CAV1: variants seen among roughly 807,000 people sequenced by gnomAD.
CAV1 encodes the protein caveolin-1.
A neutral mutation model predicts 16.5 loss-of-function variants in CAV1; 10 were observed. The observed-to-expected ratio is 0.61, with a 90% CI of 0.37 to 1.03. CAV1 has a LOEUF of 1.03. Among genes scored for constraint, CAV1 ranks in the 50% least tolerant of loss-of-function variants. CAV1 has a pLI of 0.01. For missense variants in CAV1, 212 were observed against 232.8 expected, an observed-to-expected ratio of 0.91 and a Z score of 0.58; for synonymous variants, 76 against 85.1, an observed-to-expected ratio of 0.89 and a Z score of 0.59.
rs1562837889 is a variant in CAV1 at position 116,555,478 on chromosome 7, G to GGAAGGAAGGAA, written c.196-3465_196-3464insGGAAGGAAGAA. On this transcript the variant is annotated intron_variant, in intron 2 of 2. Transcript: ENST00000341049. ...AAGGAAGGAAGGAAGGAAGGAAGGA[G>GGAAGGAAGGAA]GAAAGAAAAGAAAGAAAGAAAGAAA... Among the ~76,000 whole-genome samples the GGAAGGAAGGAA allele has an allele frequency of 1.2e-3, 9 of 7,256 alleles. 2 individuals are homozygous for GGAAGGAAGGAA. The highest frequency in any genetic ancestry group is 8.5e-3 in the South Asian group (1 of 118). The allele number at this position is 7,256 out of a possible 152,430, so 4.8% of individuals were successfully genotyped here.
At chr7:116,553,118 C>A (rs1794196912) in intron 2 of CAV1, among the ~76,000 whole-genome samples, 1 of 152,058 alleles carries the variant, frequency 6.6e-6, no homozygotes, top group Non-Finnish European at 1.5e-5. Flanking sequence ...TTAAGGTTTC[C>A]TTCTTGAAAA....
At position 116,555,542 on chromosome 7, in the gene CAV1, G is replaced by GAGAAAGAAAGAA. The variant is rs1225761657; in HGVS notation, c.196-3352_196-3341dup. Among the ~76,000 whole-genome samples the GAGAAAGAAAGAA allele has an allele frequency of 3.3e-3, 40 of 12,142 alleles. 5 individuals are homozygous for GAGAAAGAAAGAA. The highest frequency in any genetic ancestry group is 4.5e-3 in the Non-Finnish European group (26 of 5,762). 8.0% of individuals were successfully genotyped at this position (12,142 alleles called of 152,430 possible). On this transcript the variant is annotated intron_variant, in intron 2 of 2. Transcript: ENST00000341049. ...AAAGAGAGAGAGAGAGAGAGAGAGA[G>GAGAAAGAAAGAA]AGAAAGAAAGAAAGAAAGAAAGAAA...
chr7:116,533,694 T>G (rs943150179), intron 2 of CAV1, among the ~76,000 whole-genome samples: 8 of 152,206 alleles, frequency 5.3e-5, no homozygotes, highest in South Asian at 2.1e-4. Flanking sequence ...TGCAGATTCC[T>G]TCACAAACTT....
intron 2 of CAV1, among the ~76,000 whole-genome samples, chr7:116,555,510 A>G (rs1257647930): frequency 1.1e-4 from 1 of 9,244 alleles, no homozygotes; most frequent in African/African-American, 3.8e-4. Flanking sequence ...GAAAGAAAGA[A>G]AGAAAGAAAG....
intron 2 of CAV1, among the ~76,000 whole-genome samples, chr7:116,558,357 C>G (rs912483598): frequency 2.0e-5 from 3 of 152,100 alleles, no homozygotes; most frequent in South Asian, 2.1e-4. Flanking sequence ...AGCTGTAGTT[C>G]TCAACCTTTT....
chr7:116,551,378 T>G (rs1340864393), intron 2 of CAV1, among the ~76,000 whole-genome samples: 1 of 152,236 alleles, frequency 6.6e-6, no homozygotes, highest in African/African-American at 2.4e-5. Context: ...AGCTGATATT[T>G]CAACCGAAAC....
In CAV1 at chr7:116,525,104, T is replaced by TGG. The variant is rs749316760; in HGVS notation, c.30+18_30+19dup. On this transcript the variant is annotated intron_variant, in intron 1 of 2. Transcript: ENST00000341049. Reference sequence around the variant, plus strand: ...ACGTAGACTCGGAGGTAGGCATCCGTGGGGGGGCGCCGGCTCGGGCGTGCG... The same window carrying TGG: ...ACGTAGACTCGGAGGTAGGCATCCGTGGGGGGGGGCGCCGGCTCGGGCGTGCG... 6.2e-7 allele frequency: 1 copy of TGG among 1,613,644 alleles called. No individual in the cohort carries two copies. Among genetic ancestry groups the TGG allele is most frequent in the African/African-American group, 1.3e-5 (1 of 74,912 alleles).
intron 2 of CAV1, among the ~76,000 whole-genome samples, chr7:116,540,868 G>A (rs1302315946): frequency 6.6e-6 from 1 of 152,168 alleles, no homozygotes; most frequent in Non-Finnish European, 1.5e-5. Context: ...AGCCTGTGAT[G>A]TGGAAAACCA....
In CAV1 at chr7:116,555,110, T is replaced by C. The variant is rs547739957; in HGVS notation, c.196-3836T>C. 4.6e-5 allele frequency among the ~76,000 whole-genome samples: 7 copies of C among 152,266 alleles called. No individual in the cohort carries two copies. In the East Asian group the frequency reaches 7.7e-4, roughly 17 times the overall value. On this transcript the variant is annotated intron_variant, in intron 2 of 2. Transcript: ENST00000341049. ...TTAAATTCCCAGCCCTTATGTGCTT[T>C]GCAGCTGTTAGTTCCTCTTATTACA...
At chr7:116,554,715 A>C (rs1260316114) in intron 2 of CAV1, among the ~76,000 whole-genome samples, 1 of 152,208 alleles carries the variant, frequency 6.6e-6, no homozygotes, top group African/African-American at 2.4e-5. Flanking sequence ...ATAATGTACT[A>C]GTACCAGTAC....
intron 2 of CAV1, among the ~76,000 whole-genome samples, chr7:116,551,015 G>A (rs2116064087): frequency 6.6e-6 from 1 of 152,342 alleles, no homozygotes; most frequent in East Asian, 1.9e-4. Context: ...GGGCTGTCAG[G>A]AGTGGAGGAG....
intron 2 of CAV1, among the ~76,000 whole-genome samples, chr7:116,534,959 A>G (rs1228751450): frequency 6.6e-6 from 1 of 152,168 alleles, no homozygotes; most frequent in African/African-American, 2.4e-5. Context: ...GAGAGTTTTG[A>G]AACACTGTGG....
intron 2 of CAV1, among the ~76,000 whole-genome samples, chr7:116,529,753 A>G (rs943672013): frequency 1.7e-4 from 26 of 152,196 alleles, no homozygotes; most frequent in Admixed American, 2.0e-4. Flanking sequence ...TCATCTTACT[A>G]AAAGCTTGCT....
intron 2 of CAV1, among the ~76,000 whole-genome samples, chr7:116,538,547 C>T (rs952081644): frequency 5.3e-5 from 8 of 152,244 alleles, no homozygotes; most frequent in African/African-American, 1.7e-4. Context: ...TTCTTGAGAG[C>T]GAGGCTTTTT....
At chr7:116,546,142 T>G (rs1475508731) in intron 2 of CAV1, among the ~76,000 whole-genome samples, 1 of 152,196 alleles carries the variant, frequency 6.6e-6, no homozygotes, top group Non-Finnish European at 1.5e-5. Flanking sequence ...ATTTTTATAC[T>G]GTTCACTGTT....
In CAV1 at chr7:116,559,210, A is replaced by T. The variant is rs779131902; in HGVS notation, c.460A>T (p.Thr154Ser). ...CCGTGTCTATTCCATCTACGTCCACACCGTCTGTGACCCACTCTTTGAAGC... is the reference window on the plus strand; with the variant it reads ...CCGTGTCTATTCCATCTACGTCCACTCCGTCTGTGACCCACTCTTTGAAGC... ...ISRVYSIYVH[T>S]VCDPLFEAVG... The change falls in exon 3 of 3, where the codon ACC (threonine) becomes TCC (serine). Residue 154 changes from threonine to serine, a missense_variant. Thr to Ser is a moderately conservative substitution (Grantham distance 58, BLOSUM62 1). Coordinates refer to ENST00000341049, the MANE Select transcript of CAV1 (RefSeq NM_001753.5). The T allele has an allele frequency of 1.2e-6, 2 of 1,613,956 alleles. No individual in the cohort carries two copies. The highest frequency in any genetic ancestry group is 4.5e-5 in the East Asian group (2 of 44,880).
intron 2 of CAV1, among the ~76,000 whole-genome samples, chr7:116,557,741 T>C (rs1177921492): frequency 2.0e-5 from 3 of 152,084 alleles, no homozygotes; most frequent in Non-Finnish European, 4.4e-5. Context: ...TGACCACCTT[T>C]CCAGTCCTGG....
intron 2 of CAV1, among the ~76,000 whole-genome samples, chr7:116,550,938 T>A (rs991518972): frequency 6.6e-6 from 1 of 152,226 alleles, no homozygotes; most frequent in East Asian, 1.9e-4. Flanking sequence ...TCCACTCATT[T>A]ATCCACCAGT....
chr7:116,542,112 A>G (rs1157325837), intron 2 of CAV1, among the ~76,000 whole-genome samples: 4 of 152,246 alleles, frequency 2.6e-5, no homozygotes, highest in African/African-American at 9.6e-5. Context: ...TGCAAAAGGC[A>G]TGCATTGTAT....
Sources: allele counts gnomAD v4.1 joint callset (sites outside exome capture counted in the v4.1 genomes callset), GRCh38; gene constraint gnomAD v4.1.1; transcripts MANE v1.5; gene names NCBI Gene and HGNC (gene_info 2026-07-23, HGNC 2026-07-21).